Variants in KLHDC3 observed in about 807,000 individuals in gnomAD.
KLHDC3 encodes kelch domain containing 3.
KLHDC3 carries 5 observed loss-of-function variants against 44.1 expected under a neutral mutation model. The observed-to-expected ratio is 0.11, with a 90% CI of 0.06 to 0.24. KLHDC3 has a LOEUF of 0.24. Ranked by LOEUF, KLHDC3 falls within the 10% of genes least tolerant of loss-of-function variation. KLHDC3 has a pLI of 1.00. For synonymous variants in KLHDC3, 170 were observed against 189.0 expected (o/e 0.90, Z 0.82); for missense variants, 247 against 514.3 (o/e 0.48, Z 5.03).
chr6:43,018,747 A>G lies in KLHDC3; in HGVS notation c.820+28A>G, dbSNP rs1462021537. ...AAAGAGCACTGCATTTAGGGCAGGAACAAGGAGCAATTGAGGTGGGAGGAA... is the reference window on the plus strand; with the variant it reads ...AAAGAGCACTGCATTTAGGGCAGGAGCAAGGAGCAATTGAGGTGGGAGGAA... On this transcript the variant is annotated intron_variant, in intron 7 of 10. Transcript: ENST00000326974. The surrounding 1 kb of genome is among the most constrained non-coding windows in gnomAD (Gnocchi z 6.0). 1.2e-6 allele frequency: 2 copies of G among 1,600,742 alleles called. No individual in the cohort carries two copies. Among genetic ancestry groups the G allele is most frequent in the East Asian group, 2.2e-5 (1 of 44,794 alleles).
In KLHDC3 at chr6:43,021,166, A is replaced by C; in HGVS notation, c.*433A>C. 2.2e-6 allele frequency: 1 copy of C among 460,494 alleles called. No individual in the cohort carries two copies. Among genetic ancestry groups the C allele is most frequent in the Non-Finnish European group, 4.3e-6 (1 of 230,306 alleles). The allele number at this position is 460,494 out of a possible 1,614,324, so 28.5% of individuals were successfully genotyped here. A position where few individuals can be genotyped will look rare whatever the true frequency, so the allele number is the denominator to read the frequency against. On this transcript the variant is annotated 3_prime_UTR_variant, in exon 11 of 11. Coordinates refer to ENST00000326974, the MANE Select transcript of KLHDC3 (RefSeq NM_057161.4). ...GCTGAAAGGAGTTGCAGCTGTTGGC[A>C]TGAGACCTCCTTCTCCCCGTCTTGG...
Position 43,018,784 on chromosome 6 carries a change from C to G in KLHDC3, c.820+65C>G, listed in dbSNP as rs1762633152. 1 of 1,562,112 alleles carries G rather than the reference C, an allele frequency of 6.4e-7. No individual in the cohort carries two copies. Among genetic ancestry groups the G allele is most frequent in the Admixed American group, 1.7e-5 (1 of 59,942 alleles). Reference sequence around the variant, plus strand: ...TGAGGTGGGAGGAAAAGAAAATAATCCTGAGGCGGTGAGGGATGGGGGTGG... The same window carrying G: ...TGAGGTGGGAGGAAAAGAAAATAATGCTGAGGCGGTGAGGGATGGGGGTGG... On this transcript the variant is annotated intron_variant, in intron 7 of 10. Transcript: ENST00000326974. The surrounding 1 kb of genome is among the most constrained non-coding windows in gnomAD (Gnocchi z 6.0).
chr6:43,020,836 T>G lies in KLHDC3; in HGVS notation c.*103T>G. The G allele has an allele frequency of 1.1e-6, 1 of 886,962 alleles. No individual in the cohort carries two copies. The highest frequency in any genetic ancestry group is 1.9e-6 in the Non-Finnish European group (1 of 526,808). The allele number at this position is 886,962 out of a possible 1,614,324, so 54.9% of individuals were successfully genotyped here. On this transcript the variant is annotated 3_prime_UTR_variant, in exon 11 of 11. Transcript: ENST00000326974. ...CTTTGACCCCTGGACTTGGTATACCTCCATGTGGAGTTGTTGGGCGAGAGG... is the reference window on the plus strand; with the variant it reads ...CTTTGACCCCTGGACTTGGTATACCGCCATGTGGAGTTGTTGGGCGAGAGG...
chr6:43,014,962 T>A (rs1439407594), intron 1 of KLHDC3, among the ~76,000 whole-genome samples: 1 of 152,200 alleles, frequency 6.6e-6, no homozygotes, highest in Non-Finnish European at 1.5e-5. Flanking sequence ...GAGGAGCCCC[T>A]GAGCGCCTGG....
chr6:43,018,806 G>A lies in KLHDC3; in HGVS notation c.821-57G>A. 6.5e-7 allele frequency: 1 copy of A among 1,544,226 alleles called. No homozygotes were observed. The highest frequency in any genetic ancestry group is 9.0e-7 in the Non-Finnish European group (1 of 1,116,378). Reference sequence around the variant, plus strand: ...AATCCTGAGGCGGTGAGGGATGGGGGTGGGGAAGATACCTGGACTAGGCAG... The same window carrying A: ...AATCCTGAGGCGGTGAGGGATGGGGATGGGGAAGATACCTGGACTAGGCAG... On this transcript the variant is annotated intron_variant, in intron 7 of 10. Transcript: ENST00000326974. This position sits in a 1 kb window ranked among gnomAD's most constrained non-coding sequence, Gnocchi z 6.0.
rs762379570 is a variant in KLHDC3 at position 43,017,547 on chromosome 6, G to T, written c.183G>T (p.Pro61=). 3 of 1,608,374 alleles carry T rather than the reference G, an allele frequency of 1.9e-6. No homozygotes were observed. The highest frequency in any genetic ancestry group is 2.2e-5 in the East Asian group (1 of 44,778). ...AVSLRWTKLP[P]VKSAIRGQAP... ...CCTTGCGTTGGACAAAGCTGCCCCC[G>T]GTGAAGTCTGCCATCCGTGGGCAAG... The change falls in exon 3 of 11, where the codon CCG becomes CCT. Residue 61 remains proline, a synonymous_variant. Coordinates refer to ENST00000326974, the MANE Select transcript of KLHDC3 (RefSeq NM_057161.4). This position sits in a 1 kb window ranked among gnomAD's most constrained non-coding sequence, Gnocchi z 6.0.
rs375140149 is a variant in KLHDC3, at chr6:43,018,247, C to T, written c.519+31C>T. 1.0e-5 allele frequency: 16 copies of T among 1,582,732 alleles called. No homozygotes were observed. The highest frequency in any genetic ancestry group is 8.3e-5 in the Admixed American group (5 of 59,966). ...CTCTTTCTTTTTTTTCCCAAATCCC[C>T]ACCCTCTGTTGAAGCAATGATAGGA... On this transcript the variant is annotated intron_variant, in intron 5 of 10. Transcript: ENST00000326974. This position sits in a 1 kb window ranked among gnomAD's most constrained non-coding sequence, Gnocchi z 6.0.
chr6:43,021,053 A>C lies in KLHDC3; in HGVS notation c.*320A>C. 3.8e-6 allele frequency: 2 copies of C among 527,624 alleles called. No individual in the cohort carries two copies. Among genetic ancestry groups the C allele is most frequent in the Non-Finnish European group, 7.3e-6 (2 of 273,472 alleles). 32.7% of individuals were successfully genotyped at this position (527,624 alleles called of 1,614,324 possible). A position where few individuals can be genotyped will look rare whatever the true frequency, so the allele number is the denominator to read the frequency against. On this transcript the variant is annotated 3_prime_UTR_variant, in exon 11 of 11. Coordinates refer to ENST00000326974, the MANE Select transcript of KLHDC3 (RefSeq NM_057161.4). ...AGGGAAGGGAATGGGGAGAAGGGAG[A>C]AGCAAGCAGTGTCTGAGCCTCAGGA...
chr6:43,020,107 C>T (rs979099450), intron 10 of KLHDC3, among the ~76,000 whole-genome samples: 4 of 151,914 alleles, frequency 2.6e-5, no homozygotes, highest in South Asian at 4.2e-4. Flanking sequence ...ACCCGGGAGG[C>T]GGGGGTTTCA....
rs1419013978 is a variant in KLHDC3 at position 43,020,688 on chromosome 6, C to T, written c.1104C>T (p.Thr368=). 2 of 1,613,768 alleles carry T rather than the reference C, an allele frequency of 1.2e-6. No homozygotes were observed. Among genetic ancestry groups the T allele is most frequent in the Non-Finnish European group, 1.7e-6 (2 of 1,179,886 alleles). ...HDIRWELNAM[T]TNSNISRPIV... ...CCAGGTGGGAGCTGAATGCCATGAC[C>T]ACCAACAGCAATATCAGTCGCCCCA... Residue 368 remains threonine (T), a synonymous_variant, in exon 11 of 11, where the codon ACC becomes ACT. Coordinates refer to ENST00000326974, the MANE Select transcript of KLHDC3 (RefSeq NM_057161.4).
At position 43,018,530 on chromosome 6, in the gene KLHDC3, C is replaced by T; in HGVS notation, c.707C>T (p.Pro236Leu). 6.2e-7 allele frequency: 1 copy of T among 1,614,094 alleles called. No homozygotes were observed. Among genetic ancestry groups the T allele is most frequent in the Non-Finnish European group, 8.5e-7 (1 of 1,180,020 alleles). The change falls in exon 6 of 11, where the codon CCT becomes CTT. Residue 236 changes from proline (P) to leucine (L), a missense_variant. Transcript: ENST00000326974. This position sits in a 1 kb window ranked among gnomAD's most constrained non-coding sequence, Gnocchi z 6.0. ...WLDCPPTPVL[P>L]EGRRSHSAFG... is the part of the protein sequence containing the mutation. The stretch of plus-strand genomic sequence containing the variant: ...GACTGTCCCCCGACTCCAGTGCTGC[C>T]TGAGGGGCGCCGGAGCCACTCGGCC...
Position 43,018,459 on chromosome 6 carries a change from C to T in KLHDC3, c.636C>T (p.Tyr212=), listed in dbSNP as rs772429871. 3.7e-6 allele frequency: 6 copies of T among 1,614,098 alleles called. No individual in the cohort carries two copies. The highest frequency in any genetic ancestry group is 5.1e-6 in the Non-Finnish European group (6 of 1,180,042). Residue 212 remains tyrosine, a synonymous_variant, in exon 6 of 11, where the codon TAC becomes TAT. Coordinates refer to ENST00000326974, the MANE Select transcript of KLHDC3 (RefSeq NM_057161.4). The surrounding 1 kb of genome is among the most constrained non-coding windows in gnomAD (Gnocchi z 6.0). Reference sequence around the variant, plus strand: ...CATTCCATTCCAACAATGAGATTTACTGCAACCGCATTCGAGTCTTTGACA... The same window carrying T: ...CATTCCATTCCAACAATGAGATTTATTGCAACCGCATTCGAGTCTTTGACA... ...FGPFHSNNEI[Y]CNRIRVFDTR... is the part of the protein sequence containing the mutation.
At chr6:43,015,406 C>T (rs527385517) in intron 1 of KLHDC3, among the ~76,000 whole-genome samples, 5 of 152,268 alleles carry the variant, frequency 3.3e-5, no homozygotes, top group Non-Finnish European at 1.5e-5. Context: ...CTTTCCTCTG[C>T]CAGGGCTTCT....
Position 43,020,708 on chromosome 6 carries a change from G to A in KLHDC3, c.1124G>A (p.Arg375His), listed in dbSNP as rs148428790. Residue 375 changes from arginine (R) to histidine (H), a missense_variant, in exon 11 of 11, where the codon CGC becomes CAC. Arg to His is a conservative substitution (Grantham distance 29, BLOSUM62 0). This residue lies in a region of KLHDC3 where 176 missense variants were observed against 413.5 expected (regional missense o/e 0.43). Transcript: ENST00000326974. Reference sequence around the variant, plus strand: ...ATGACCACCAACAGCAATATCAGTCGCCCCATCGTCTCCTCCCATGGGTAG... The same window carrying A: ...ATGACCACCAACAGCAATATCAGTCACCCCATCGTCTCCTCCCATGGGTAG... ...NAMTTNSNIS[R>H]PIVSSHG is the part of the protein sequence containing the mutation. The A allele has an allele frequency of 2.5e-6, 4 of 1,613,722 alleles. No individual in the cohort carries two copies. The highest frequency in any genetic ancestry group is 2.7e-5 in the African/African-American group (2 of 74,832).
Position 43,018,289 on chromosome 6 carries a change from A to G in KLHDC3, c.520-54A>G, listed in dbSNP as rs1762621480. On this transcript the variant is annotated intron_variant, in intron 5 of 10. Transcript: ENST00000326974. This position sits in a 1 kb window ranked among gnomAD's most constrained non-coding sequence, Gnocchi z 6.0. ...ATGATAGGAAGCTCAGTCAGAGGAG[A>G]TCCTCTTCCAGTCTTTGTGCTGACC... The G allele has an allele frequency of 6.3e-7, 1 of 1,581,786 alleles. No homozygotes were observed. Among genetic ancestry groups the G allele is most frequent in the Non-Finnish European group, 8.7e-7 (1 of 1,151,474 alleles).
chr6:43,019,062 C>T lies in KLHDC3; in HGVS notation c.930-30C>T, dbSNP rs1267616068. On this transcript the variant is annotated intron_variant, in intron 8 of 10. Coordinates refer to ENST00000326974, the MANE Select transcript of KLHDC3 (RefSeq NM_057161.4). ...GGGGGTTTCGTGGGTAGTTTTTGTC[C>T]TACTTTCATCTCTCTTTTGATCCCG... 7 of 1,598,278 alleles carry T rather than the reference C, an allele frequency of 4.4e-6. No homozygotes were observed. The African/African-American group carries it at 6.7e-5, about 15-fold the overall frequency.
At chr6:43,020,580 C>A in intron 10 of KLHDC3, 87 bp from the exon 11 acceptor site, 1 of 1,029,572 alleles carries the variant, frequency 9.7e-7, no homozygotes, top group Non-Finnish European at 1.5e-6. Context: ...GTTGGAGAGA[C>A]TGGTGTGTTT....
In KLHDC3 at chr6:43,020,907, G is replaced by T; in HGVS notation, c.*174G>T. 1.5e-6 allele frequency: 1 copy of T among 681,908 alleles called. No individual in the cohort carries two copies. The highest frequency in any genetic ancestry group is 2.7e-6 in the Non-Finnish European group (1 of 375,178). 42.2% of individuals were successfully genotyped at this position (681,908 alleles called of 1,614,324 possible). On this transcript the variant is annotated 3_prime_UTR_variant, in exon 11 of 11. Transcript: ENST00000326974. Reference sequence around the variant, plus strand: ...CAGTGGGGAGCTGTAGCGGGGTGGGGGCTAGGTTCCTCCCCCCTTGGGCCG... The same window carrying T: ...CAGTGGGGAGCTGTAGCGGGGTGGGTGCTAGGTTCCTCCCCCCTTGGGCCG...
At chr6:43,014,393 A>C in intron 1 of KLHDC3, 45 bp downstream of exon 1, 1 of 477,280 alleles carries the variant, frequency 2.1e-6, no homozygotes, top group Non-Finnish European at 4.0e-6. Context: ...TAGGGGGCTT[A>C]GGACGTGCTG....
Sources: gnomAD v4.1 joint callset for allele counts (sites outside exome capture counted in the v4.1 genomes callset) on GRCh38, gnomAD v4.1.1 for gene constraint, gnomAD v4.1.1 regional missense constraint, Gnocchi (gnomAD v3.1) non-coding constraint, MANE v1.5 for transcripts, NCBI Gene and HGNC (gene_info 2026-07-23, HGNC 2026-07-21) for gene names.